Variants in SDK2 observed in about 807,000 individuals in gnomAD.
The protein encoded by SDK2 is sidekick cell adhesion molecule 2, also known as protein sidekick-2.
SDK2 carries 105 observed loss-of-function variants against 253.9 expected under a neutral mutation model. The observed-to-expected ratio is 0.41, with a 90% CI of 0.35 to 0.49. The LOEUF is 0.49. SDK2 is among the 20% of genes least tolerant of loss of function. SDK2 has a pLI of 0.06. For synonymous variants in SDK2, 1,249 were observed against 1,234.9 expected, an observed-to-expected ratio of 1.01 and a Z score of -0.24; for missense variants, 2,608 against 3,003.0, an observed-to-expected ratio of 0.87 and a Z score of 3.07.
chr17:73,352,682 C>T lies in SDK2; in HGVS notation c.5594-45G>A. On this transcript the variant is annotated intron_variant, in intron 40 of 44. Coordinates refer to ENST00000392650, the MANE Select transcript of SDK2 (RefSeq NM_001144952.2). This position sits in a 1 kb window ranked among gnomAD's most constrained non-coding sequence, Gnocchi z 4.1. ...GAGGCCCTGGGAGGTGAGGGGAAGCCCCAAATCCCGCTCCCAGCCCCGTTC... is the reference window on the plus strand; with the variant it reads ...GAGGCCCTGGGAGGTGAGGGGAAGCTCCAAATCCCGCTCCCAGCCCCGTTC... 1 of 1,602,308 alleles carries T rather than the reference C, an allele frequency of 6.2e-7. No individual in the cohort carries two copies. The highest frequency in any genetic ancestry group is 1.3e-5 in the African/African-American group (1 of 74,830).
intron 1 of SDK2, among the ~76,000 whole-genome samples, chr17:73,515,747 C>T (rs2064021169): frequency 6.6e-6 from 1 of 152,254 alleles, no homozygotes; most frequent in South Asian, 2.1e-4. Flanking sequence ...AAGAATCTGG[C>T]TTGAAGATCC....
At chr17:73,594,768 C>A (rs776182343) in intron 1 of SDK2, among the ~76,000 whole-genome samples, 1 of 152,070 alleles carries the variant, frequency 6.6e-6, no homozygotes, top group Non-Finnish European at 1.5e-5. Context: ...CATATGCACA[C>A]ACACAAATAT....
At chr17:73,584,371 C>T (rs1486913726) in intron 1 of SDK2, among the ~76,000 whole-genome samples, 1 of 152,214 alleles carries the variant, frequency 6.6e-6, no homozygotes, top group Non-Finnish European at 1.5e-5. Flanking sequence ...AAGGTTGTTG[C>T]TGTCGGTAGA....
At chr17:73,493,101 A>C (rs1284060265) in intron 2 of SDK2, among the ~76,000 whole-genome samples, 1 of 152,152 alleles carries the variant, frequency 6.6e-6, no homozygotes, top group Non-Finnish European at 1.5e-5. Flanking sequence ...CAGATAAAAA[A>C]CATATGTGCC....
At chr17:73,414,215 A>G in intron 18 of SDK2, among the ~76,000 whole-genome samples, 1 of 151,734 alleles carries the variant, frequency 6.6e-6, no homozygotes, top group East Asian at 1.9e-4. Context: ...AAGCCCAGCT[A>G]ATTTTTGTAT....
intron 37 of SDK2, 43 bp from the exon 38 acceptor site, chr17:73,365,438 A>G: frequency 6.5e-7 from 1 of 1,548,220 alleles, no homozygotes; most frequent in East Asian, 2.4e-5. Flanking sequence ...TCTTCTGTGG[A>G]AGTTCAAAGC....
chr17:73,404,691 C>A (rs751226562), intron 18 of SDK2, among the ~76,000 whole-genome samples: 1 of 152,142 alleles, frequency 6.6e-6, no homozygotes, highest in African/African-American at 2.4e-5. Flanking sequence ...CATCTCTGTG[C>A]CTTCTCCTTG....
chr17:73,357,998 G>C lies in SDK2; in HGVS notation c.5593+81C>G, dbSNP rs755594009. 6.3e-6 allele frequency: 10 copies of C among 1,595,184 alleles called. No individual in the cohort carries two copies. The Admixed American group carries it at 8.3e-5, about 13-fold the overall frequency. On this transcript the variant is annotated intron_variant, in intron 40 of 44. Coordinates refer to ENST00000392650, the MANE Select transcript of SDK2 (RefSeq NM_001144952.2). ...AGCGCCTTCTCAGGCGGAGGACAGA[G>C]GCAAGTGCCCCAAGTGGAGGGACCC...
At chr17:73,348,379 T>G in intron 44 of SDK2, among the ~76,000 whole-genome samples, 1 of 152,212 alleles carries the variant, frequency 6.6e-6, no homozygotes, top group East Asian at 1.9e-4. Flanking sequence ...GTACCCCCTA[T>G]GATCAAGGTT....
At chr17:73,572,873 T>C (rs192590004) in intron 1 of SDK2, among the ~76,000 whole-genome samples, 1 of 152,300 alleles carries the variant, frequency 6.6e-6, no homozygotes, top group African/African-American at 2.4e-5. Flanking sequence ...TCATCTGAGA[T>C]ACTTCCTCCC....
At position 73,338,528 on chromosome 17, in the gene SDK2, A is replaced by T; in HGVS notation, c.*59T>A. 1 of 998,710 alleles carries T rather than the reference A, an allele frequency of 1.0e-6. No homozygotes were observed. Among genetic ancestry groups the T allele is most frequent in the Non-Finnish European group, 1.5e-6 (1 of 674,712 alleles). The allele number at this position is 998,710 out of a possible 1,614,324, so 61.9% of individuals were successfully genotyped here. A position where few individuals can be genotyped will look rare whatever the true frequency, so the allele number is the denominator to read the frequency against. ...TTTTTGTTTTCTGGCAGGCAGTGAG[A>T]GGAGGGGTGAAGGAGGAGTTTGGTG... is the stretch of plus-strand genomic sequence containing the variant. On this transcript the variant is annotated 3_prime_UTR_variant, in exon 45 of 45. Coordinates refer to ENST00000392650, the MANE Select transcript of SDK2 (RefSeq NM_001144952.2). The surrounding 1 kb of genome is among the most constrained non-coding windows in gnomAD (Gnocchi z 5.0).
intron 44 of SDK2, among the ~76,000 whole-genome samples, chr17:73,341,738 T>C (rs1276883931): frequency 6.6e-6 from 1 of 152,184 alleles, no homozygotes; most frequent in East Asian, 1.9e-4. Context: ...CTCGGAGTCC[T>C]TCATAACATG....
chr17:73,479,674 TA>T, intron 2 of SDK2, among the ~76,000 whole-genome samples: 1 of 152,350 alleles, frequency 6.6e-6, no homozygotes, highest in African/African-American at 2.4e-5. Context: ...AATTGTATTT[TA>T]TTTTTTAAGT....
At chr17:73,586,287 CTCTT>C (rs2045601640) in intron 1 of SDK2, among the ~76,000 whole-genome samples, 2 of 152,206 alleles carry the variant, frequency 1.3e-5, no homozygotes. Context: ...CCTCCTGTTG[CTCTT>C]TATTTATTTA....
chr17:73,628,326 G>A (rs555873528), intron 1 of SDK2, among the ~76,000 whole-genome samples: 1 of 152,330 alleles, frequency 6.6e-6, no homozygotes, highest in South Asian at 2.1e-4. Context: ...CATAAGCCAT[G>A]CTACTCTGGG....
Position 73,352,359 on chromosome 17 carries a change from T to G in SDK2, c.5758+114A>C, listed in dbSNP as rs2062546015. 7.5e-7 allele frequency: 1 copy of G among 1,330,198 alleles called. No homozygotes were observed. Among genetic ancestry groups the G allele is most frequent in the African/African-American group, 1.5e-5 (1 of 68,700 alleles). 82.4% of individuals were successfully genotyped at this position (1,330,198 alleles called of 1,614,324 possible). A position where few individuals can be genotyped will look rare whatever the true frequency, so the allele number is the denominator to read the frequency against. On this transcript the variant is annotated intron_variant, in intron 41 of 44. Transcript: ENST00000392650. The surrounding 1 kb of genome is among the most constrained non-coding windows in gnomAD (Gnocchi z 4.1). Reference sequence around the variant, plus strand: ...GCCCCGAGGGGACAATGTGTTTTTGTTCCCGCCCCATGCTCCTGGTGCCCT... The same window carrying G: ...GCCCCGAGGGGACAATGTGTTTTTGGTCCCGCCCCATGCTCCTGGTGCCCT...
At position 73,361,689 on chromosome 17, in the gene SDK2, C is replaced by T. The variant is rs138527765; in HGVS notation, c.5462G>A (p.Gly1821Glu). Residue 1821 changes from glycine to glutamate, a missense_variant, in exon 39 of 45, where the codon GGA (glycine) becomes GAA (glutamate). Gly to Glu is a moderately conservative substitution (Grantham distance 98). Transcript: ENST00000392650. The surrounding 1 kb of genome is among the most constrained non-coding windows in gnomAD (Gnocchi z 4.1). ...EIEANVTTGP[G>E]EGAPGPPGVP... is the part of the protein sequence containing the mutation. ...CTGGTCCGTTGCTCTCCTACCTTCT[C>T]CGGGGCCCGTGGTGACGTTGGCTTC... is the stretch of plus-strand genomic sequence containing the variant. The T allele has an allele frequency of 1.0e-3, 1,624 of 1,611,528 alleles. 7 individuals carry two copies. The East Asian group carries it at 0.013, about 13-fold the overall frequency.
intron 1 of SDK2, among the ~76,000 whole-genome samples, chr17:73,533,766 G>C (rs1419821512): frequency 6.7e-6 from 1 of 148,578 alleles, no homozygotes; most frequent in Non-Finnish European, 1.5e-5. Context: ...TCTTCGCCAG[G>C]TTCCCTGTCA....
Position 73,383,852 on chromosome 17 carries a change from C to A in SDK2, c.4705+24G>T, listed in dbSNP as rs768997441. On this transcript the variant is annotated intron_variant, in intron 33 of 44. Coordinates refer to ENST00000392650, the MANE Select transcript of SDK2 (RefSeq NM_001144952.2). The surrounding 1 kb of genome is among the most constrained non-coding windows in gnomAD (Gnocchi z 4.3). Reference sequence around the variant, plus strand: ...GTGACCGCCCCCATCCCACCCATTCCTCTGGCTCCCAAGTGTCACTCACAG... The same window carrying A: ...GTGACCGCCCCCATCCCACCCATTCATCTGGCTCCCAAGTGTCACTCACAG... 11 of 1,613,326 alleles carry A rather than the reference C, an allele frequency of 6.8e-6. No individual in the cohort carries two copies. The highest frequency in any genetic ancestry group is 8.5e-6 in the Non-Finnish European group (10 of 1,179,432).
Sources: allele counts gnomAD v4.1 joint callset (sites outside exome capture counted in the v4.1 genomes callset), GRCh38; gene constraint gnomAD v4.1.1; non-coding constraint Gnocchi (gnomAD v3.1); transcripts MANE v1.5; gene names NCBI Gene and HGNC (gene_info 2026-07-23, HGNC 2026-07-21).